The following CCNA1 variants were observed in gnomAD, a reference collection of about 807,000 sequenced individuals.
The protein encoded by CCNA1 is cyclin-A1.
A neutral mutation model predicts 54.1 loss-of-function variants in CCNA1; 23 were observed. The ratio of observed to expected loss-of-function variants is 0.42; its 90% CI spans 0.31 to 0.60. The LOEUF (loss-of-function observed/expected upper bound fraction) is 0.60. Among genes scored for constraint, CCNA1 ranks in the 20% least tolerant of loss-of-function variants. The pLI, the probability that CCNA1 is intolerant of heterozygous loss-of-function variation, is 0.14. For synonymous variants in CCNA1, 208 were observed against 213.9 expected, an observed-to-expected ratio of 0.97 and a Z score of 0.24; for missense variants, 450 against 556.7, an observed-to-expected ratio of 0.81 and a Z score of 1.93.
At chr13:36,437,494 A>C in intron 2 of CCNA1, 135 bp from the exon 3 acceptor site, 1 of 839,726 alleles carries the variant, frequency 1.2e-6, no homozygotes, top group Non-Finnish European at 1.9e-6. Context: ...TTTTTTTGGA[A>C]TTAAATTGCC....
At position 36,437,688 on chromosome 13, in the gene CCNA1, G is replaced by T; in HGVS notation, c.357G>T (p.Lys119Asn). Residue 119 changes from lysine (K) to asparagine (N), a missense_variant, in exon 3 of 9, where the codon AAG (lysine) becomes AAT (asparagine). Lys to Asn is a moderately conservative substitution (Grantham distance 94). Transcript: ENST00000255465. ...AAAATGCCTTCCCTCCAGCTGGAAAGAAAGCACTCCCTGACTGTGGGGTCC... is the reference window on the plus strand; with the variant it reads ...AAAATGCCTTCCCTCCAGCTGGAAATAAAGCACTCCCTGACTGTGGGGTCC... 6.2e-7 allele frequency: 1 copy of T among 1,614,102 alleles called. No individual in the cohort carries two copies. Among genetic ancestry groups the T allele is most frequent in the Non-Finnish European group, 8.5e-7 (1 of 1,179,968 alleles).
chr13:36,433,545 CTTT>C (rs71711184), intron 2 of CCNA1, among the ~76,000 whole-genome samples: 2 of 104,110 alleles, frequency 1.9e-5, no homozygotes, highest in Non-Finnish European at 3.9e-5. Context: ...TCCTTTCCTT[CTTT>C]TTTTTTTTTT....
chr13:36,437,758 G>C lies in CCNA1; in HGVS notation c.427G>C (p.Glu143Gln). ...GTTTGACATCTACATGGATGAACTA[G>C]AGCAGGGGGACAGAGACAGCTGCTC... The change falls in exon 3 of 9, where the codon GAG becomes CAG. Residue 143 changes from glutamate to glutamine, a missense_variant. Glu to Gln is a conservative substitution (Grantham distance 29). Transcript: ENST00000255465. 1.9e-6 allele frequency: 3 copies of C among 1,614,188 alleles called. No individual in the cohort carries two copies. Among genetic ancestry groups the C allele is most frequent in the Non-Finnish European group, 2.5e-6 (3 of 1,180,028 alleles).
Position 36,432,534 on chromosome 13 carries a change from C to T in CCNA1, c.-88C>T, listed in dbSNP as rs1338905880. 1.1e-5 allele frequency: 8 copies of T among 711,214 alleles called. No homozygotes were observed. Among genetic ancestry groups the T allele is most frequent in the Non-Finnish European group, 1.9e-5 (8 of 421,866 alleles). 44.1% of individuals were successfully genotyped at this position (711,214 alleles called of 1,614,324 possible). On this transcript the variant is annotated 5_prime_UTR_variant, in exon 1 of 9. Transcript: ENST00000255465. ...CATAGAAAGATAACGACGGGAAGAG[C>T]GGGGCCCGCTTTGGGGTCCAGGCAG...
At chr13:36,441,379 G>T (rs2055873025) in intron 7 of CCNA1, 148 bp downstream of exon 7, 3 of 564,424 alleles carry the variant, frequency 5.3e-6, no homozygotes, top group Non-Finnish European at 9.6e-6. Flanking sequence ...AGTCATGATG[G>T]CTTTGACTCA....
intron 2 of CCNA1, among the ~76,000 whole-genome samples, chr13:36,436,010 G>A (rs1439221789): frequency 6.6e-6 from 1 of 152,052 alleles, no homozygotes; most frequent in African/African-American, 2.4e-5. Flanking sequence ...CTTTTTAAAT[G>A]TCTAGAACTA....
intron 2 of CCNA1, among the ~76,000 whole-genome samples, chr13:36,434,835 C>A (rs566004615): frequency 1.4e-5 from 2 of 145,178 alleles, no homozygotes; most frequent in African/African-American, 5.0e-5. Context: ...TGCCCCCCCC[C>A]CCGCGCCATG....
At chr13:36,439,488 T>C (rs1222988916) in intron 5 of CCNA1, among the ~76,000 whole-genome samples, 1 of 152,228 alleles carries the variant, frequency 6.6e-6, no homozygotes, top group Non-Finnish European at 1.5e-5. Context: ...AAGGAAAGAA[T>C]TGATCATAGT....
At chr13:36,442,523 G>A in intron 8 of CCNA1, 91 bp from the exon 9 acceptor site, 1 of 1,341,750 alleles carries the variant, frequency 7.5e-7, no homozygotes, top group East Asian at 2.3e-5. Flanking sequence ...CTTCCATTCT[G>A]TTAAAACTAC....
chr13:36,437,480 C>CT (rs878910424), intron 2 of CCNA1, 149 bp from the exon 3 acceptor site: 6,865 of 647,448 alleles, frequency 0.011, no homozygotes, highest in South Asian at 0.015. Flanking sequence ...TTTTGAAGAC[C>CT]TTTTTTTTTT....
intron 4 of CCNA1, 86 bp from the exon 5 acceptor site, chr13:36,438,558 T>C (rs1197227657): frequency 3.3e-6 from 3 of 914,454 alleles, no homozygotes; most frequent in Non-Finnish European, 5.1e-6. Flanking sequence ...CAACCTTTGC[T>C]TGTGAGATTT....
Position 36,442,702 on chromosome 13 carries a change from A to G in CCNA1, c.*37A>G. The G allele has an allele frequency of 1.3e-6, 2 of 1,563,532 alleles. No homozygotes were observed. Among genetic ancestry groups the G allele is most frequent in the Non-Finnish European group, 1.8e-6 (2 of 1,134,896 alleles). On this transcript the variant is annotated 3_prime_UTR_variant, in exon 9 of 9. Coordinates refer to ENST00000255465, the MANE Select transcript of CCNA1 (RefSeq NM_003914.4). ...GAAGCACTTCCAGAACTTCACCTCC[A>G]TATCAGAAGTGCCAATAATCGTCAT...
chr13:36,437,586 G>A, intron 2 of CCNA1, 43 bp from the exon 3 acceptor site: 1 of 1,598,772 alleles, frequency 6.3e-7, no homozygotes, highest in African/African-American at 1.3e-5. Flanking sequence ...TGCCTCTGTG[G>A]TCTTTGACGT....
At chr13:36,437,480 C>CA (rs1334447210) in intron 2 of CCNA1, 149 bp from the exon 3 acceptor site, 7 of 665,166 alleles carry the variant, frequency 1.1e-5, no homozygotes, top group Middle Eastern at 4.7e-4. Context: ...TTTTGAAGAC[C>CA]TTTTTTTTTT....
chr13:36,433,511 C>A (rs2055761213), intron 2 of CCNA1, among the ~76,000 whole-genome samples: 1 of 141,530 alleles, frequency 7.1e-6, no homozygotes, highest in Non-Finnish European at 1.5e-5. Flanking sequence ...CTTCCTTCTT[C>A]CTTTCCTTTT....
upstream of CCNA1, chr13:36,432,266 C>T (rs902844041): frequency 4.3e-6 from 1 of 232,416 alleles, no homozygotes; most frequent in Admixed American, 5.4e-5. Context: ...GCTGATTGGC[C>T]GATTCAACAG....
chr13:36,440,075 G>A lies in CCNA1; in HGVS notation c.990G>A (p.Leu330=). ...GACAACTGTTAAAAATGGAACACTT[G>A]CTTCTGAAAGTTCTAGCTTTTGATC... is the stretch of plus-strand genomic sequence containing the variant. The change falls in exon 6 of 9, where the codon TTG becomes TTA. Residue 330 remains leucine, a synonymous_variant. Coordinates refer to ENST00000255465, the MANE Select transcript of CCNA1 (RefSeq NM_003914.4). 1 of 1,613,944 alleles carries A rather than the reference G, an allele frequency of 6.2e-7. No homozygotes were observed. The highest frequency in any genetic ancestry group is 8.5e-7 in the Non-Finnish European group (1 of 1,179,878).
intron 6 of CCNA1, among the ~76,000 whole-genome samples, chr13:36,440,841 G>A (rs2055866933): frequency 6.6e-6 from 1 of 152,132 alleles, no homozygotes; most frequent in Non-Finnish European, 1.5e-5. Context: ...CTTTATCTCA[G>A]CATAAACCTA....
At chr13:36,439,557 G>T (rs557336547) in intron 5 of CCNA1, among the ~76,000 whole-genome samples, 1 of 152,206 alleles carries the variant, frequency 6.6e-6, no homozygotes, top group Non-Finnish European at 1.5e-5. Context: ...AGTGGACAAA[G>T]TTGAACAGCA....
Sources: gnomAD v4.1 joint callset for allele counts (sites outside exome capture counted in the v4.1 genomes callset) on GRCh38, gnomAD v4.1.1 for gene constraint, MANE v1.5 for transcripts, NCBI Gene and HGNC (gene_info 2026-07-23, HGNC 2026-07-21) for gene names.